Variants in CAMTA1 observed in about 807,000 individuals in gnomAD.
CAMTA1 encodes the protein calmodulin binding transcription activator 1.
A neutral mutation model predicts 170.9 loss-of-function variants in CAMTA1; 27 were observed. The observed-to-expected ratio is 0.16, with a 90% CI of 0.12 to 0.22. The LOEUF (loss-of-function observed/expected upper bound fraction) is 0.22, where lower values mean the gene tolerates loss of function less well. Among genes scored for constraint, CAMTA1 ranks in the 10% least tolerant of loss-of-function variants. CAMTA1 has a pLI of 1.00. For missense variants in CAMTA1, 1,619 were observed against 2,217.2 expected (o/e 0.73, Z 5.42); for synonymous variants, 833 against 891.5 (o/e 0.93, Z 1.17).
intron 11 of CAMTA1, among the ~76,000 whole-genome samples, chr1:7,689,287 T>G (rs1436776667): frequency 1.1e-4 from 16 of 139,480 alleles, no homozygotes; most frequent in African/African-American, 1.6e-4. Flanking sequence ...AAAAAATCAG[T>G]GGCAAGCCAG....
chr1:7,662,287 C>A (rs1425659472), intron 8 of CAMTA1, among the ~76,000 whole-genome samples: 14 of 152,244 alleles, frequency 9.2e-5, no homozygotes, highest in Admixed American at 8.5e-4. Context: ...CTTTCTTTAA[C>A]CTCTGTCTCC....
At chr1:7,498,626 GTA>G (rs749395309) in intron 6 of CAMTA1, among the ~76,000 whole-genome samples, 19 of 151,348 alleles carry the variant, frequency 1.3e-4, no homozygotes, top group South Asian at 2.1e-4. Context: ...TGCAGTGTGT[GTA>G]TGAGTGTGCA....
chr1:7,499,625 A>C (rs1262507010), intron 6 of CAMTA1, among the ~76,000 whole-genome samples: 2 of 122,416 alleles, frequency 1.6e-5, no homozygotes, highest in African/African-American at 6.6e-5. Flanking sequence ...TGCATGAGTG[A>C]GTGTGAGCCT....
intron 4 of CAMTA1, among the ~76,000 whole-genome samples, chr1:7,238,141 T>G (rs1664228156): frequency 1.3e-5 from 2 of 149,176 alleles, no homozygotes; most frequent in South Asian, 4.4e-4. Flanking sequence ...AACTTTAATA[T>G]GGTCAGTCTT....
At chr1:7,334,707 A>G (rs2083243220) in intron 5 of CAMTA1, among the ~76,000 whole-genome samples, 1 of 152,154 alleles carries the variant, frequency 6.6e-6, no homozygotes, top group Non-Finnish European at 1.5e-5. Flanking sequence ...GTTTAAAATG[A>G]CCTATAACTG....
At chr1:7,651,368 C>T (rs542574874) in intron 7 of CAMTA1, among the ~76,000 whole-genome samples, 3 of 152,272 alleles carry the variant, frequency 2.0e-5, no homozygotes, top group East Asian at 3.9e-4. Flanking sequence ...GGCCAAGCGT[C>T]GATTCCAGCA....
chr1:7,341,308 T>G (rs1397967191), intron 5 of CAMTA1, among the ~76,000 whole-genome samples: 5 of 152,120 alleles, frequency 3.3e-5, no homozygotes, highest in Non-Finnish European at 5.9e-5. Context: ...GGGGCTGCCA[T>G]GAGGAAGAGA....
At chr1:7,138,780 A>G (rs1463862790) in intron 4 of CAMTA1, among the ~76,000 whole-genome samples, 2 of 152,098 alleles carry the variant, frequency 1.3e-5, no homozygotes, top group Non-Finnish European at 2.9e-5. Context: ...GGATCATTTG[A>G]TGTCAGGAGT....
chr1:7,263,067 G>A (rs1313005593), intron 5 of CAMTA1, among the ~76,000 whole-genome samples: 1 of 152,128 alleles, frequency 6.6e-6, no homozygotes, highest in East Asian at 1.9e-4. Flanking sequence ...GAAACGAGAT[G>A]CGACACGGTA....
intron 3 of CAMTA1, among the ~76,000 whole-genome samples, chr1:6,951,518 A>T (rs1049623024): frequency 5.3e-5 from 8 of 152,204 alleles, no homozygotes; most frequent in African/African-American, 1.9e-4. Context: ...TCTCCTCCAT[A>T]AAATGAGGGT....
chr1:7,026,028 G>A (rs918506513), intron 3 of CAMTA1, among the ~76,000 whole-genome samples: 4 of 152,078 alleles, frequency 2.6e-5, no homozygotes, highest in Non-Finnish European at 5.9e-5. Flanking sequence ...GCTGAGGCAG[G>A]AGGATTGCTT....
In CAMTA1 at chr1:7,628,344, C is replaced by T. The variant is rs147568391; in HGVS notation, c.511-12056C>T. 3.3e-3 allele frequency among the ~76,000 whole-genome samples: 500 copies of T among 152,356 alleles called. 4 individuals are homozygous for T. Among genetic ancestry groups the T allele is most frequent in the African/African-American group, 0.011 (449 of 41,586 alleles). ...GCCATGGGTCTCTCTCTGAGCCAGT[C>T]GATGTGGCCCAAAGAATGCGGCTTG... On this transcript the variant is annotated intron_variant, in intron 6 of 22. Transcript: ENST00000303635.
intron 5 of CAMTA1, among the ~76,000 whole-genome samples, chr1:7,397,963 C>T (rs913163662): frequency 1.4e-4 from 21 of 151,496 alleles, no homozygotes; most frequent in African/African-American, 4.8e-4. Flanking sequence ...TCTGCAGCTG[C>T]TGGATAAAAT....
chr1:7,657,083 G>A (rs1185019087), intron 7 of CAMTA1, among the ~76,000 whole-genome samples: 1 of 152,262 alleles, frequency 6.6e-6, no homozygotes, highest in Non-Finnish European at 1.5e-5. Flanking sequence ...GTAGCTGTAG[G>A]AGGACACCTT....
chr1:7,650,560 G>T (rs1472924521), intron 7 of CAMTA1, among the ~76,000 whole-genome samples: 1 of 152,170 alleles, frequency 6.6e-6, no homozygotes, highest in Non-Finnish European at 1.5e-5. Context: ...GTGTGATGTT[G>T]GGACGAAGCC....
intron 7 of CAMTA1, among the ~76,000 whole-genome samples, chr1:7,658,064 A>G (rs1471524404): frequency 6.6e-6 from 1 of 152,184 alleles, no homozygotes; most frequent in Non-Finnish European, 1.5e-5. Flanking sequence ...CAAAAGCCTC[A>G]CTGTGCCAAG....
intron 4 of CAMTA1, among the ~76,000 whole-genome samples, chr1:7,147,404 A>G (rs1234382509): frequency 6.8e-6 from 1 of 146,272 alleles, no homozygotes; most frequent in African/African-American, 2.6e-5. Context: ...AGCCTGGGTA[A>G]CAGAGCGAGA....
At chr1:7,186,553 T>C (rs1394272750) in intron 4 of CAMTA1, among the ~76,000 whole-genome samples, 14 of 152,196 alleles carry the variant, frequency 9.2e-5, no homozygotes, top group Admixed American at 9.2e-4. Flanking sequence ...AGCCCTGATC[T>C]GAGAATCTGG....
intron 5 of CAMTA1, among the ~76,000 whole-genome samples, chr1:7,255,851 C>T (rs1014784088): frequency 1.6e-4 from 25 of 152,268 alleles, no homozygotes; most frequent in Admixed American, 4.6e-4. Flanking sequence ...CTGGCAGATA[C>T]GTTTATCCTC....
Sources: allele counts gnomAD v4.1 joint callset (sites outside exome capture counted in the v4.1 genomes callset), GRCh38; gene constraint gnomAD v4.1.1; transcripts MANE v1.5; gene names NCBI Gene and HGNC (gene_info 2026-07-23, HGNC 2026-07-21).